NRG1: variants seen among roughly 807,000 people sequenced by gnomAD.
NRG1 encodes neuregulin 1, also known as pro-neuregulin-1, membrane-bound isoform.
Under a neutral mutation model 63.8 loss-of-function variants are expected in NRG1, and 18 were observed. That is an observed-to-expected ratio of 0.28 (90% CI 0.19 to 0.42). The LOEUF (loss-of-function observed/expected upper bound fraction) is 0.42, where lower values mean the gene tolerates loss of function less well. Among genes scored for constraint, NRG1 ranks in the 10% least tolerant of loss-of-function variants. NRG1 has a pLI of 1.00. For missense variants in NRG1, 762 were observed against 814.7 expected (o/e 0.94, Z 0.79); for synonymous variants, 302 against 301.3 (o/e 1.00, Z -0.02).
chr8:32,289,244 A>G (rs148537362), intron 1 of NRG1, among the ~76,000 whole-genome samples: 1 of 152,198 alleles, frequency 6.6e-6, no homozygotes, highest in East Asian at 1.9e-4. Context: ...GGACTTCCTG[A>G]TTTCTGTTCT....
At chr8:32,189,350 T>C (rs1164141218) in intron 1 of NRG1, among the ~76,000 whole-genome samples, 2 of 152,200 alleles carry the variant, frequency 1.3e-5, no homozygotes, top group East Asian at 3.9e-4. Context: ...TTTCTGTTTC[T>C]GTGTTAATTT....
At chr8:32,563,192 T>A (rs748931900) in intron 1 of NRG1, among the ~76,000 whole-genome samples, 1 of 152,190 alleles carries the variant, frequency 6.6e-6, no homozygotes, top group Non-Finnish European at 1.5e-5. Flanking sequence ...CCCAAGATAA[T>A]TCTTCTTCCA....
At chr8:32,388,156 C>T (rs1013601624) in intron 1 of NRG1, among the ~76,000 whole-genome samples, 1 of 152,142 alleles carries the variant, frequency 6.6e-6, no homozygotes, top group Admixed American at 6.5e-5. Context: ...TCATAGCAGC[C>T]TCACCTATGC....
intron 1 of NRG1, among the ~76,000 whole-genome samples, chr8:32,448,683 TG>T (rs1820579530): frequency 6.6e-6 from 1 of 152,138 alleles, no homozygotes; most frequent in Admixed American, 6.5e-5. Context: ...TTTTTTTCTG[TG>T]TAAACAATGG....
intron 1 of NRG1, among the ~76,000 whole-genome samples, chr8:32,075,462 CCTT>C (rs1826354522): frequency 3.3e-5 from 5 of 152,006 alleles, no homozygotes; most frequent in Admixed American, 3.3e-4. Flanking sequence ...TAATTTCTCT[CCTT>C]TTTTTCCAAT....
At chr8:31,725,759 T>C (rs1006178770) in intron 1 of NRG1, among the ~76,000 whole-genome samples, 5 of 152,180 alleles carry the variant, frequency 3.3e-5, no homozygotes, top group Non-Finnish European at 5.9e-5. Context: ...CTTTTCACAA[T>C]TTACAAATGT....
intron 1 of NRG1, among the ~76,000 whole-genome samples, chr8:31,657,207 G>C (rs1002077871): frequency 2.0e-5 from 3 of 152,098 alleles, no homozygotes; most frequent in East Asian, 1.9e-4. Flanking sequence ...TTTCATGGAA[G>C]GATTTTTTAT....
chr8:32,022,185 T>C (rs1401965522), intron 1 of NRG1, among the ~76,000 whole-genome samples: 2 of 152,186 alleles, frequency 1.3e-5, no homozygotes, highest in African/African-American at 4.8e-5. Context: ...AAGGGTAAAA[T>C]TGTCCCTGTG....
chr8:32,303,043 G>A (rs193102360), intron 1 of NRG1, among the ~76,000 whole-genome samples: 13 of 151,890 alleles, frequency 8.6e-5, no homozygotes, highest in East Asian at 7.8e-4. Flanking sequence ...TTAGCCGGGC[G>A]TGGTGGCTGA....
exon 10 of NRG1, chr8:32,759,425 T>C (rs924975104): frequency 4.3e-6 from 7 of 1,613,310 alleles, no homozygotes; most frequent in Non-Finnish European, 5.9e-6. Flanking sequence ...TCACCCAGAC[T>C]CCTAGCCACA....
chr8:32,224,249 T>A (rs1015218452), intron 1 of NRG1, among the ~76,000 whole-genome samples: 2 of 152,132 alleles, frequency 1.3e-5, no homozygotes, highest in Admixed American at 6.6e-5. Context: ...AGCGGCTGAA[T>A]GAGGCAAGCT....
In NRG1 at chr8:32,265,981, C is replaced by T. The variant is rs958505666; in HGVS notation, c.38-329847C>T. Among the ~76,000 whole-genome samples, 10 of 152,060 alleles carry T rather than the reference C, an allele frequency of 6.6e-5. No homozygotes were observed. The East Asian group carries it at 7.7e-4, about 12-fold the overall frequency. ...GTATGTAGCTTATAGGCAAATACTA[C>T]GCCGTTTTACATCAGGGACTTGAGC... On this transcript the variant is annotated intron_variant, in intron 1 of 10. Coordinates refer to the NRG1 transcript ENST00000519301.
intron 5 of NRG1, among the ~76,000 whole-genome samples, chr8:32,621,747 C>T (rs975229293): frequency 6.6e-6 from 1 of 152,176 alleles, no homozygotes; most frequent in Non-Finnish European, 1.5e-5. Context: ...AGATGTTTTA[C>T]ATGGATGATG....
At chr8:31,825,599 G>A (rs1824471143) in intron 1 of NRG1, among the ~76,000 whole-genome samples, 1 of 152,100 alleles carries the variant, frequency 6.6e-6, no homozygotes, top group East Asian at 1.9e-4. Context: ...ACACAGAGAA[G>A]TTAAGTAACT....
intron 1 of NRG1, among the ~76,000 whole-genome samples, chr8:32,263,817 A>C (rs2129471832): frequency 6.6e-6 from 1 of 152,294 alleles, no homozygotes; most frequent in South Asian, 2.1e-4. Flanking sequence ...CTAAATCAGC[A>C]CTCAGTGAAA....
intron 1 of NRG1, among the ~76,000 whole-genome samples, chr8:32,111,073 C>T (rs1371924617): frequency 6.6e-6 from 1 of 152,078 alleles, no homozygotes; most frequent in African/African-American, 2.4e-5. Flanking sequence ...GCTTAGGATT[C>T]GTATTCTTCC....
chr8:32,147,475 A>G (rs913534268), intron 1 of NRG1, among the ~76,000 whole-genome samples: 1 of 152,248 alleles, frequency 6.6e-6, no homozygotes, highest in Non-Finnish European at 1.5e-5. Context: ...GGCAATTACC[A>G]TAACGTATAA....
chr8:32,471,666 C>T (rs1054661702), intron 1 of NRG1, among the ~76,000 whole-genome samples: 5 of 152,028 alleles, frequency 3.3e-5, no homozygotes, highest in African/African-American at 1.2e-4. Context: ...TGCTTAGAAA[C>T]TACCCCTGTT....
intron 1 of NRG1, among the ~76,000 whole-genome samples, chr8:32,333,793 T>C (rs548760221): frequency 6.6e-6 from 1 of 152,310 alleles, no homozygotes; most frequent in East Asian, 1.9e-4. Context: ...TTTTTCCTGT[T>C]CCTTTCCTGT....
Sources: allele counts gnomAD v4.1 joint callset (sites outside exome capture counted in the v4.1 genomes callset), GRCh38; gene constraint gnomAD v4.1.1; transcripts MANE v1.5; gene names NCBI Gene and HGNC (gene_info 2026-07-23, HGNC 2026-07-21).